HERC2: variants seen among roughly 807,000 people sequenced by gnomAD.
HERC2 encodes the protein E3 ubiquitin-protein ligase HERC2.
Under a neutral mutation model 537.7 loss-of-function variants are expected in HERC2, and 102 were observed. That is an observed-to-expected ratio of 0.19 (90% CI 0.16 to 0.22). The LOEUF (loss-of-function observed/expected upper bound fraction) is 0.22. Among genes scored for constraint, HERC2 ranks in the 10% least tolerant of loss-of-function variants. HERC2 has a pLI of 1.00. For missense variants in HERC2, 4,236 were observed against 6,198.2 expected (o/e 0.68, Z 10.63); for synonymous variants, 2,224 against 2,466.2 (o/e 0.90, Z 2.91).
chr15:28,156,804 G>A (rs1362321474), intron 69 of HERC2, among the ~76,000 whole-genome samples: 1 of 152,226 alleles, frequency 6.6e-6, no homozygotes, highest in Non-Finnish European at 1.5e-5. Context: ...CAGGAGTGGT[G>A]AGAGAGGGCA....
At chr15:28,317,603 A>G (rs2077123850) in intron 2 of HERC2, among the ~76,000 whole-genome samples, 1 of 152,204 alleles carries the variant, frequency 6.6e-6, no homozygotes. Context: ...ACAGTAACAA[A>G]ATTATAGAGA....
intron 1 of HERC2, among the ~76,000 whole-genome samples, chr15:28,321,832 C>T (rs1336956069): frequency 6.9e-6 from 1 of 144,626 alleles, no homozygotes; most frequent in African/African-American, 2.8e-5. Context: ...ATGAATCTGC[C>T]GCTTTACCCC....
intron 78 of HERC2, among the ~76,000 whole-genome samples, chr15:28,137,855 C>G (rs1413548988): frequency 1.3e-5 from 2 of 152,182 alleles, no homozygotes; most frequent in Non-Finnish European, 2.9e-5. Flanking sequence ...CACTGAAAGC[C>G]AAGACAGGCT....
At chr15:28,258,732 G>C (rs542689766) in intron 16 of HERC2, among the ~76,000 whole-genome samples, 2 of 152,034 alleles carry the variant, frequency 1.3e-5, no homozygotes, top group Admixed American at 1.3e-4. Context: ...CAAATGACAA[G>C]ACAAAAGCAG....
chr15:28,212,724 T>C, intron 42 of HERC2, 141 bp from the exon 43 acceptor site: 1 of 954,072 alleles, frequency 1.0e-6, no homozygotes. Flanking sequence ...TAATCATTTT[T>C]TAAAATGACA....
At chr15:28,287,717 CTCTTT>C (rs567789531) in intron 4 of HERC2, among the ~76,000 whole-genome samples, 3,094 of 136,728 alleles carry the variant, frequency 0.023, 103 homozygotes, top group African/African-American at 0.085. Flanking sequence ...ATACTTATTC[CTCTTT>C]TTTTTTTTTT....
At position 28,189,744 on chromosome 15, in the gene HERC2, A is replaced by G. The variant is rs377604195; in HGVS notation, c.8649+1221T>C. Among the ~76,000 whole-genome samples the G allele has an allele frequency of 9.2e-5, 14 of 152,374 alleles. No homozygotes were observed. In the South Asian group the frequency reaches 2.3e-3, roughly 25 times the overall value. The stretch of plus-strand genomic sequence containing the variant: ...ATTTAGCATGATTTGATCATTCCAC[A>G]AAGTATACATGTAACAAAACATCAC... On this transcript the variant is annotated intron_variant, in intron 55 of 92. Transcript: ENST00000261609.
intron 54 of HERC2, 27 bp downstream of exon 54, chr15:28,191,112 T>C: frequency 6.3e-7 from 1 of 1,599,210 alleles, no homozygotes; most frequent in Non-Finnish European, 8.6e-7. Flanking sequence ...AGAAGGTACT[T>C]CTTTTTAGGT....
chr15:28,260,181 G>T (rs977552874), intron 16 of HERC2, among the ~76,000 whole-genome samples: 2 of 119,880 alleles, frequency 1.7e-5, no homozygotes, highest in African/African-American at 6.2e-5. Flanking sequence ...CTCCAAAAAA[G>T]AAAAAAAAAA....
chr15:28,190,875 A>T (rs1231874368), intron 55 of HERC2, 90 bp downstream of exon 55: 2 of 817,142 alleles, frequency 2.4e-6, no homozygotes, highest in African/African-American at 3.4e-5. Flanking sequence ...AACGGGGAAA[A>T]ACTGGGCTCA....
intron 69 of HERC2, among the ~76,000 whole-genome samples, chr15:28,162,109 C>G (rs1893662421): frequency 6.6e-6 from 1 of 152,080 alleles, no homozygotes; most frequent in Admixed American, 6.5e-5. Flanking sequence ...GTGGGTAGAT[C>G]ACTTGAGGTC....
At chr15:28,228,139 A>T in intron 35 of HERC2, 79 bp downstream of exon 35, 1 of 1,309,092 alleles carries the variant, frequency 7.6e-7, no homozygotes, top group Admixed American at 2.4e-5. Flanking sequence ...TAAAAAAAAA[A>T]AAAAAGAAAA....
Position 28,152,887 on chromosome 15 carries a change from T to C in HERC2, c.10747-57A>G, listed in dbSNP as rs1247446680. 4 of 1,516,762 alleles carry C rather than the reference T, an allele frequency of 2.6e-6. No individual in the cohort carries two copies. In the African/African-American group the frequency reaches 5.5e-5, roughly 21 times the overall value. The allele number at this position is 1,516,762 out of a possible 1,614,324, so 94.0% of individuals were successfully genotyped here. ...GCCAACAGCCCCACACCTGGTCACC[T>C]GCATGCCACCTCTGCCCGTCCTGCT... On this transcript the variant is annotated intron_variant, in intron 69 of 92. Transcript: ENST00000261609.
intron 2 of HERC2, among the ~76,000 whole-genome samples, chr15:28,301,605 T>A (rs1441615843): frequency 2.1e-5 from 3 of 145,774 alleles, no homozygotes; most frequent in African/African-American, 7.6e-5. Flanking sequence ...TTCTGAAAAC[T>A]GCGTATGCGA....
intron 23 of HERC2, among the ~76,000 whole-genome samples, chr15:28,245,007 A>T (rs1903518170): frequency 6.6e-6 from 1 of 152,178 alleles, no homozygotes; most frequent in Admixed American, 6.5e-5. Context: ...GATAAGTCTC[A>T]TTCCAATTTG....
intron 15 of HERC2, among the ~76,000 whole-genome samples, chr15:28,261,334 A>G (rs1250962069): frequency 1.3e-5 from 2 of 152,134 alleles, no homozygotes; most frequent in Non-Finnish European, 2.9e-5. Flanking sequence ...CACACTCTTC[A>G]GTGAGGAAGG....
chr15:28,190,815 T>C, intron 55 of HERC2, 150 bp downstream of exon 55: 1 of 631,502 alleles, frequency 1.6e-6, no homozygotes, highest in South Asian at 2.0e-5. Context: ...ACAAAATAAG[T>C]TGTATCTTTT....
chr15:28,263,274 C>T, intron 14 of HERC2, 105 bp from the exon 15 acceptor site: 1 of 1,254,966 alleles, frequency 8.0e-7, no homozygotes, highest in African/African-American at 1.5e-5. Flanking sequence ...ATCTAGACCA[C>T]TCAGGTACAT....
chr15:28,167,719 T>G lies in HERC2; in HGVS notation c.10522A>C (p.Ile3508Leu), dbSNP rs765626164. The G allele has an allele frequency of 1.2e-6, 2 of 1,614,216 alleles. No individual in the cohort carries two copies. Among genetic ancestry groups the G allele is most frequent in the Admixed American group, 1.7e-5 (1 of 60,024 alleles). Residue 3508 changes from isoleucine (I) to leucine (L), a missense_variant, in exon 68 of 93, where the codon ATC (isoleucine) becomes CTC (leucine). Ile to Leu is a conservative substitution (Grantham distance 5, BLOSUM62 2). Coordinates refer to ENST00000261609, the MANE Select transcript of HERC2 (RefSeq NM_004667.6). ...GTTTTGGTCATGGTTTCTGCAATGA[T>G]GCTTGCGGCTCCCAGGTCATCCGTC... ...PVTDDLGAAS[I>L]IAETMTKTKE... is the part of the protein sequence containing the mutation.
Sources: allele counts gnomAD v4.1 joint callset (sites outside exome capture counted in the v4.1 genomes callset), GRCh38; gene constraint gnomAD v4.1.1; transcripts MANE v1.5; gene names NCBI Gene and HGNC (gene_info 2026-07-23, HGNC 2026-07-21).